Variants in C1RL observed in about 807,000 individuals in gnomAD.
C1RL encodes complement C1r subcomponent like.
In C1RL, 27 loss-of-function variants were observed where a neutral mutation model predicts 27.9. That is an observed-to-expected ratio of 0.97 (90% CI 0.71 to 1.33). The LOEUF (loss-of-function observed/expected upper bound fraction) is 1.33, where lower values mean the gene tolerates loss of function less well. C1RL is among the 40% of genes most tolerant of loss of function. C1RL has a pLI of 0.00. For synonymous variants in C1RL, 248 were observed against 252.1 expected, an observed-to-expected ratio of 0.98 and a Z score of 0.15; for missense variants, 563 against 623.9, an observed-to-expected ratio of 0.90 and a Z score of 1.04.
chr12:7,095,240 C>G lies in C1RL; in HGVS notation c.*1151G>C. 1.2e-6 allele frequency: 1 copy of G among 807,296 alleles called. No individual in the cohort carries two copies. Among genetic ancestry groups the G allele is most frequent in the Non-Finnish European group, 1.6e-6 (1 of 615,692 alleles). The allele number at this position is 807,296 out of a possible 1,614,324, so 50.0% of individuals were successfully genotyped here. ...AAGTGATTCTCCTGCCTCAGCCTCC[C>G]GAGTAGCTGGGACTACAGGCACGTG... is the stretch of plus-strand genomic sequence containing the variant. On this transcript the variant is annotated 3_prime_UTR_variant, in exon 6 of 6. Coordinates refer to ENST00000266542, the MANE Select transcript of C1RL (RefSeq NM_016546.4).
At position 7,097,050 on chromosome 12, in the gene C1RL, C is replaced by T. The variant is rs1265036093; in HGVS notation, c.805G>A (p.Gly269Ser). 6.2e-7 allele frequency: 1 copy of T among 1,614,048 alleles called. No individual in the cohort carries two copies. The highest frequency in any genetic ancestry group is 8.5e-7 in the Non-Finnish European group (1 of 1,180,022). Residue 269 changes from glycine to serine, a missense_variant, in exon 6 of 6, where the codon GGC becomes AGC. Physicochemically the swap from Gly to Ser is moderately conservative, Grantham distance 56. Coordinates refer to ENST00000266542, the MANE Select transcript of C1RL (RefSeq NM_016546.4). ...CATCTGTCCCCCAGCAGGGCCCCGCCCCCACGGCCGTGGATACTGGTGAAG... is the reference window on the plus strand; with the variant it reads ...CATCTGTCCCCCAGCAGGGCCCCGCTCCCACGGCCGTGGATACTGGTGAAG... ...QAFTSIHGRG[G>S]GALLGDRWIL...
chr12:7,109,129 T>A lies in C1RL; in HGVS notation c.52A>T (p.Lys18Ter), dbSNP rs368856336. The change falls in exon 1 of 6, where the codon AAA (lysine) becomes TAA (stop). Residue 18 changes from lysine to a stop codon, truncating the protein, a stop_gained. Transcript: ENST00000266542. LOFTEE classifies it high-confidence loss of function. ...GKYLWRSPHS[K>*]GCPGAMWWLL... ...ACTCACATTGCGCCTGGACAGCCTT[T>A]GGAGTGAGGGCTTCTCCAGAGATAT... is the stretch of plus-strand genomic sequence containing the variant. 1.4e-5 allele frequency: 22 copies of A among 1,596,966 alleles called. No individual in the cohort carries two copies. The African/African-American group carries it at 1.6e-4, about 12-fold the overall frequency.
intron 1 of C1RL, 156 bp downstream of exon 1, chr12:7,108,954 G>A (rs1003544522): frequency 1.2e-5 from 7 of 579,464 alleles, no homozygotes; most frequent in African/African-American, 8.1e-5. Flanking sequence ...GCTGGTGTGT[G>A]TATGTGGGGG....
rs117029968 is a variant in C1RL, at chr12:7,098,846, G to A, written c.691+840C>T. Among the ~76,000 whole-genome samples the A allele has an allele frequency of 4.3e-4, 66 of 152,234 alleles. 1 individual carries two copies. In the East Asian group the frequency reaches 9.9e-3, roughly 23 times the overall value. ...AGGTAATGGAAATGTTCTGGAATTA[G>A]TGGTAATGGTTTCACAACATTGTGA... On this transcript the variant is annotated intron_variant, in intron 5 of 5. Coordinates refer to ENST00000266542, the MANE Select transcript of C1RL (RefSeq NM_016546.4).
rs2135758577 is a variant in C1RL at position 7,102,199 on chromosome 12, G to A, written c.301-112C>T. On this transcript the variant is annotated intron_variant, in intron 2 of 5. Coordinates refer to ENST00000266542, the MANE Select transcript of C1RL (RefSeq NM_016546.4). ...CTCCTGCCCCATCTAGACGGGCCGT[G>A]CCCCTCTGGGGCTCAGAAGGCACCT... 3 of 1,115,980 alleles carry A rather than the reference G, an allele frequency of 2.7e-6. No individual in the cohort carries two copies. The East Asian group carries it at 7.2e-5, about 27-fold the overall frequency. The allele number at this position is 1,115,980 out of a possible 1,614,324, so 69.1% of individuals were successfully genotyped here.
At chr12:7,099,602 G>T in intron 5 of C1RL, 84 bp downstream of exon 5, 1 of 1,514,292 alleles carries the variant, frequency 6.6e-7, no homozygotes, top group African/African-American at 1.4e-5. Context: ...CTATTCTAAG[G>T]CTTTCCTTTA....
rs1938700984 is a variant in C1RL, at chr12:7,104,251, C to T, written c.301-2164G>A. 6.6e-6 allele frequency among the ~76,000 whole-genome samples: 1 copy of T among 152,154 alleles called. No homozygotes were observed. Among genetic ancestry groups the T allele is most frequent in the African/African-American group, 2.4e-5 (1 of 41,432 alleles). On this transcript the variant is annotated intron_variant, in intron 2 of 5. Transcript: ENST00000266542. The surrounding 1 kb of genome is among the most constrained non-coding windows in gnomAD (Gnocchi z 5.4). Reference sequence around the variant, plus strand: ...GCAGACCAGAAGCCTGTGAGGGAGACTGCAGAATCCTAGAATCTCTGTGCA... The same window carrying T: ...GCAGACCAGAAGCCTGTGAGGGAGATTGCAGAATCCTAGAATCTCTGTGCA...
chr12:7,097,154 C>G lies in C1RL; in HGVS notation c.701G>C (p.Arg234Pro). ...ATTCTGGGCAATGGGGGTGACTGGCCGTCCGCAGACTGGGAGAGAGGCGGG... is the reference window on the plus strand; with the variant it reads ...ATTCTGGGCAATGGGGGTGACTGGCGGTCCGCAGACTGGGAGAGAGGCGGG... ...EVLQCMPVCG[R>P]PVTPIAQNQT... The change falls in exon 6 of 6, where the codon CGG (arginine) becomes CCG (proline). Residue 234 changes from arginine (R) to proline (P), a missense_variant. By Grantham distance (103) the Arg-to-Pro change is moderately radical. Coordinates refer to ENST00000266542, the MANE Select transcript of C1RL (RefSeq NM_016546.4). 1 of 1,603,280 alleles carries G rather than the reference C, an allele frequency of 6.2e-7. No homozygotes were observed. Among genetic ancestry groups the G allele is most frequent in the Non-Finnish European group, 8.5e-7 (1 of 1,173,952 alleles).
Position 7,101,911 on chromosome 12 carries a change from G to C in C1RL, c.477C>G (p.Leu159=), listed in dbSNP as rs1938636463. Residue 159 remains leucine (L), a synonymous_variant, in exon 3 of 6, where the codon CTC becomes CTG. Coordinates refer to ENST00000266542, the MANE Select transcript of C1RL (RefSeq NM_016546.4). ...TAHLHKGFLA[L]YQTVAVNYSQ... ...AGGGACACTCACCCACGGTTTGGTAGAGGGCCAGGAAGCCCTTGTGGAGGT... is the reference window on the plus strand; with the variant it reads ...AGGGACACTCACCCACGGTTTGGTACAGGGCCAGGAAGCCCTTGTGGAGGT... The C allele has an allele frequency of 6.2e-7, 1 of 1,614,054 alleles. No homozygotes were observed. The highest frequency in any genetic ancestry group is 8.5e-7 in the Non-Finnish European group (1 of 1,180,020).
At chr12:7,101,818 TTCCACTTAAGGCTTGAAGATACCAGGG>T (rs774670921) in intron 3 of C1RL, 53 bp downstream of exon 3, 2 of 1,446,478 alleles carry the variant, frequency 1.4e-6, no homozygotes, top group Non-Finnish European at 1.9e-6. Flanking sequence ...TCACTCAAGC[TTCCACTTAAGGCTTGAAGATACCAGGG>T]TCATGGCTGG....
rs751783230 is a variant in C1RL at position 7,096,775 on chromosome 12, C to T, written c.1080G>A (p.Leu360=). 2.5e-6 allele frequency: 4 copies of T among 1,606,688 alleles called. No individual in the cohort carries two copies. Among genetic ancestry groups the T allele is most frequent in the African/African-American group, 1.3e-5 (1 of 74,920 alleles). Residue 360 remains leucine, a synonymous_variant, in exon 6 of 6, where the codon CTG becomes CTA. Transcript: ENST00000266542. ...PLGPNVLPVC[L]PDNETLYRSG... is the part of the protein sequence containing the mutation. ...TGCGGTAGAGGGTCTCATTATCGGG[C>T]AGACAGACCGGGAGGACGTTGGGGC...
At chr12:7,101,104 TCCTTCCCTCCCTCCCTCCC>T (rs1938607663) in intron 3 of C1RL, among the ~76,000 whole-genome samples, 1 of 63,236 alleles carries the variant, frequency 1.6e-5, no homozygotes. Context: ...CTTCCCTCCT[TCCTTCCCTCCCTCCCTCCC>T]TCCTTCTTCC....
At chr12:7,101,706 C>T in intron 3 of C1RL, 192 bp downstream of exon 3, 1 of 594,680 alleles carries the variant, frequency 1.7e-6, no homozygotes, top group Non-Finnish European at 3.0e-6. Context: ...ATGGAAACAA[C>T]CGCTGGGGGC....
chr12:7,099,933 C>A lies in C1RL; in HGVS notation c.584G>T (p.Cys195Phe). The change falls in exon 4 of 6, where the codon TGC (cysteine) becomes TTC (phenylalanine). Residue 195 changes from cysteine to phenylalanine, a missense_variant. Transcript: ENST00000266542. Reference protein sequence around the residue: ...GDNPAKVQNHCQEPYYQAAAA... With the variant: ...GDNPAKVQNHFQEPYYQAAAA... ...CGCGGCCTGATAATAGGGCTCCTGG[C>A]AGTGGTTCTGGACCTTGGCAGGGTT... The A allele has an allele frequency of 6.2e-7, 1 of 1,614,082 alleles. No homozygotes were observed. Among genetic ancestry groups the A allele is most frequent in the South Asian group, 1.1e-5 (1 of 91,070 alleles).
chr12:7,098,833 T>A lies in C1RL; in HGVS notation c.691+853A>T, dbSNP rs186124885. Among the ~76,000 whole-genome samples the A allele has an allele frequency of 1.2e-4, 19 of 152,246 alleles. No homozygotes were observed. In the East Asian group the frequency reaches 3.5e-3, roughly 28 times the overall value. On this transcript the variant is annotated intron_variant, in intron 5 of 5. Coordinates refer to ENST00000266542, the MANE Select transcript of C1RL (RefSeq NM_016546.4). ...GCTGTTTTGGGGAAGGTAATGGAAA[T>A]GTTCTGGAATTAGTGGTAATGGTTT...
chr12:7,102,196 C>CAGGA, intron 2 of C1RL, 109 bp from the exon 3 acceptor site: 7 of 1,156,912 alleles, frequency 6.1e-6, no homozygotes, highest in South Asian at 2.9e-5. Flanking sequence ...CTAGACGGGC[C>CAGGA]GTGCCCCTCT....
chr12:7,102,019 A>C lies in C1RL; in HGVS notation c.369T>G (p.Pro123=). The change falls in exon 3 of 6, where the codon CCT becomes CCG. Residue 123 remains proline, a synonymous_variant. Coordinates refer to ENST00000266542, the MANE Select transcript of C1RL (RefSeq NM_016546.4). ...GQQGSPLGRP[P]GQREFVSSGR... ...CTGAGGATACAAACTCCCTCTGACC[A>C]GGGGGCCTGCCCAGAGGGGAGCCTT... The C allele has an allele frequency of 6.2e-7, 1 of 1,614,214 alleles. No individual in the cohort carries two copies. The highest frequency in any genetic ancestry group is 8.5e-7 in the Non-Finnish European group (1 of 1,180,012).
chr12:7,099,007 C>T (rs2135754736), intron 5 of C1RL, among the ~76,000 whole-genome samples: 1 of 148,560 alleles, frequency 6.7e-6, no homozygotes, highest in South Asian at 2.1e-4. Context: ...ACCAGCCTGA[C>T]CAACGTGGTG....
In C1RL at chr12:7,109,157, C is replaced by G; in HGVS notation, c.24G>C (p.Gly8=). 6.2e-7 allele frequency: 1 copy of G among 1,601,562 alleles called. No individual in the cohort carries two copies. Among genetic ancestry groups the G allele is most frequent in the Non-Finnish European group, 8.5e-7 (1 of 1,173,576 alleles). The change falls in exon 1 of 6, where the codon GGG becomes GGC. Residue 8 remains glycine, a synonymous_variant. Coordinates refer to ENST00000266542, the MANE Select transcript of C1RL (RefSeq NM_016546.4). The stretch of plus-strand genomic sequence containing the variant: ...AGTGAGGGCTTCTCCAGAGATATTT[C>G]CCCCACACTCTGGGTCCAGGCATCT... MPGPRVW[G]KYLWRSPHSK...
Sources: gnomAD v4.1 joint callset for allele counts (sites outside exome capture counted in the v4.1 genomes callset) on GRCh38, gnomAD v4.1.1 for gene constraint, Gnocchi (gnomAD v3.1) non-coding constraint, MANE v1.5 for transcripts, NCBI Gene and HGNC (gene_info 2026-07-23, HGNC 2026-07-21) for gene names.